Variants in CDH20 observed in about 807,000 individuals in gnomAD.
CDH20 encodes the protein cadherin-20.
A neutral mutation model predicts 74.2 loss-of-function variants in CDH20; 29 were observed. The ratio of observed to expected loss-of-function variants is 0.39; its 90% CI spans 0.29 to 0.53. CDH20 has a LOEUF of 0.53. CDH20 is among the 20% of genes least tolerant of loss of function. The pLI, the probability that CDH20 is intolerant of heterozygous loss-of-function variation, is 0.69. For synonymous variants in CDH20, 469 were observed against 405.4 expected (o/e 1.16, Z -1.88); for missense variants, 988 against 1,048.3 (o/e 0.94, Z 0.79).
chr18:61,411,820 T>A (rs1912519944), intron 1 of CDH20, among the ~76,000 whole-genome samples: 1 of 152,030 alleles, frequency 6.6e-6, no homozygotes, highest in Non-Finnish European at 1.5e-5. Flanking sequence ...ATAAGAATGA[T>A]ACAATGGACT....
At chr18:61,418,398 CA>C (rs1313573764) in intron 1 of CDH20, among the ~76,000 whole-genome samples, 4 of 151,546 alleles carry the variant, frequency 2.6e-5, no homozygotes, top group African/African-American at 4.9e-5. Context: ...ACTAAAAATA[CA>C]AAAAATTAGC....
intron 6 of CDH20, among the ~76,000 whole-genome samples, chr18:61,514,039 A>G (rs1432609846): frequency 4.6e-5 from 7 of 152,160 alleles, no homozygotes; most frequent in East Asian, 1.9e-4. Flanking sequence ...GAATCTGAAC[A>G]TTGGCCTGCC....
chr18:61,524,565 A>G (rs763212468), intron 6 of CDH20, among the ~76,000 whole-genome samples: 4 of 152,250 alleles, frequency 2.6e-5, no homozygotes, highest in Non-Finnish European at 4.4e-5. Context: ...TCTAGTGAAG[A>G]ATGGATAAAT....
At chr18:61,512,765 G>A (rs1049051759) in intron 6 of CDH20, among the ~76,000 whole-genome samples, 1 of 152,026 alleles carries the variant, frequency 6.6e-6, no homozygotes, top group East Asian at 1.9e-4. Context: ...TATGTACCCA[G>A]TAGTCATTCA....
intron 1 of CDH20, among the ~76,000 whole-genome samples, chr18:61,418,664 T>C (rs1912780116): frequency 6.6e-6 from 1 of 152,132 alleles, no homozygotes; most frequent in East Asian, 1.9e-4. Flanking sequence ...TAACAAGTTT[T>C]CCAGGTATAA....
intron 11 of CDH20, among the ~76,000 whole-genome samples, chr18:61,550,637 C>T (rs979310733): frequency 5.3e-5 from 8 of 152,196 alleles, no homozygotes; most frequent in Non-Finnish European, 8.8e-5. Context: ...AAGTCACAAA[C>T]GGGTAAGTGA....
At chr18:61,403,982 C>A (rs1330122167) in intron 1 of CDH20, among the ~76,000 whole-genome samples, 1 of 152,236 alleles carries the variant, frequency 6.6e-6, no homozygotes, top group African/African-American at 2.4e-5. Flanking sequence ...AACGTGGGAA[C>A]AGAAAACCAA....
chr18:61,342,599 C>G (rs909405384), intron 1 of CDH20, among the ~76,000 whole-genome samples: 3 of 152,216 alleles, frequency 2.0e-5, no homozygotes, highest in Non-Finnish European at 4.4e-5. Context: ...GTCTTCTACT[C>G]ACTAGATACC....
chr18:61,424,698 G>A (rs1913008700), intron 1 of CDH20, among the ~76,000 whole-genome samples: 1 of 152,110 alleles, frequency 6.6e-6, no homozygotes, highest in Non-Finnish European at 1.5e-5. Context: ...TTACTTTGAG[G>A]TAGACTTCTT....
intron 1 of CDH20, among the ~76,000 whole-genome samples, chr18:61,425,474 C>A (rs1057041786): frequency 3.3e-5 from 5 of 152,102 alleles, no homozygotes; most frequent in African/African-American, 1.2e-4. Context: ...GACGGTGGTA[C>A]CAAGGTAACC....
intron 1 of CDH20, among the ~76,000 whole-genome samples, chr18:61,474,892 C>T (rs1445979872): frequency 6.6e-6 from 1 of 151,952 alleles, no homozygotes; most frequent in East Asian, 1.9e-4. Context: ...TGTCTTCGAG[C>T]AAAAACATGA....
At chr18:61,395,854 GA>G (rs528444365) in intron 1 of CDH20, among the ~76,000 whole-genome samples, 208 of 152,306 alleles carry the variant, frequency 1.4e-3, no homozygotes, top group Non-Finnish European at 2.3e-3. Flanking sequence ...CCAACATGGT[GA>G]AACCCTGTCT....
intron 1 of CDH20, among the ~76,000 whole-genome samples, chr18:61,338,406 T>C (rs1234035519): frequency 6.6e-6 from 1 of 152,192 alleles, no homozygotes; most frequent in Admixed American, 6.5e-5. Flanking sequence ...ATGTTCCTAA[T>C]TACATATGGA....
At chr18:61,528,523 G>A (rs1038748647) in intron 7 of CDH20, among the ~76,000 whole-genome samples, 14 of 150,926 alleles carry the variant, frequency 9.3e-5, no homozygotes, top group South Asian at 2.1e-4. Flanking sequence ...ATTTGGGGGT[G>A]GGTAATTCTG....
At chr18:61,473,650 T>C (rs73966904) in intron 1 of CDH20, among the ~76,000 whole-genome samples, 4,625 of 152,286 alleles carry the variant, frequency 0.03, 240 homozygotes, top group African/African-American at 0.11. Context: ...CTAGAAACAT[T>C]TGAACATCTT....
chr18:61,497,691 A>G (rs1911221268), intron 2 of CDH20, among the ~76,000 whole-genome samples: 1 of 152,196 alleles, frequency 6.6e-6, no homozygotes, highest in Non-Finnish European at 1.5e-5. Context: ...AACCTTCAGA[A>G]TAAGTATTAG....
chr18:61,501,043 A>G (rs1356401258), intron 4 of CDH20, among the ~76,000 whole-genome samples: 1 of 152,204 alleles, frequency 6.6e-6, no homozygotes, highest in African/African-American at 2.4e-5. Flanking sequence ...ACCACTGTGC[A>G]CTCAGCAGAG....
At chr18:61,479,341 C>A (rs886441675) in intron 1 of CDH20, among the ~76,000 whole-genome samples, 4 of 152,110 alleles carry the variant, frequency 2.6e-5, no homozygotes, top group Admixed American at 2.6e-4. Flanking sequence ...TTTGCCAATA[C>A]ATTTCTAAGT....
intron 1 of CDH20, among the ~76,000 whole-genome samples, chr18:61,338,366 C>A (rs1331789197): frequency 6.6e-6 from 1 of 152,040 alleles, no homozygotes. Context: ...ATCTGCCAAT[C>A]TCTTGCTAAC....
Sources: allele counts gnomAD v4.1 joint callset (sites outside exome capture counted in the v4.1 genomes callset), GRCh38; gene constraint gnomAD v4.1.1; transcripts MANE v1.5; gene names NCBI Gene and HGNC (gene_info 2026-07-23, HGNC 2026-07-21).